The following CSMD1 variants were observed in gnomAD, a reference collection of about 807,000 sequenced individuals.
The protein encoded by CSMD1 is CUB and sushi domain-containing protein 1.
In CSMD1, 213 loss-of-function variants were observed where a neutral mutation model predicts 417.5. The ratio of observed to expected loss-of-function variants is 0.51; its 90% CI spans 0.46 to 0.57. The LOEUF is 0.57. CSMD1 is among the 20% of genes least tolerant of loss of function. The pLI, the probability that CSMD1 is intolerant of heterozygous loss-of-function variation, is 0.00. For missense variants in CSMD1, 6,923 were observed against 4,529.7 expected, an observed-to-expected ratio of 1.53 and a Z score of -15.17; for synonymous variants, 2,862 against 1,736.8, an observed-to-expected ratio of 1.65 and a Z score of -16.11.
At position 3,989,182 on chromosome 8, in the gene CSMD1, T is replaced by A. The variant is rs531340942; in HGVS notation, c.818+8721A>T. 5.3e-5 allele frequency among the ~76,000 whole-genome samples: 8 copies of A among 152,322 alleles called. No individual in the cohort carries two copies. The East Asian group carries it at 1.5e-3, about 29-fold the overall frequency. On this transcript the variant is annotated intron_variant, in intron 5 of 69. Coordinates refer to ENST00000635120, the MANE Select transcript of CSMD1 (RefSeq NM_033225.6). ...CCAAGCGTCTGCTCATTTGCTCTAGTTAGCAGCTCTCTCAGGGATGTGGCA... is the reference window on the plus strand; with the variant it reads ...CCAAGCGTCTGCTCATTTGCTCTAGATAGCAGCTCTCTCAGGGATGTGGCA...
At chr8:4,073,724 G>T (rs1171103759) in intron 3 of CSMD1, among the ~76,000 whole-genome samples, 1 of 152,034 alleles carries the variant, frequency 6.6e-6, no homozygotes, top group Non-Finnish European at 1.5e-5. Context: ...GACTTGTATA[G>T]ACACCAGCTG....
chr8:3,560,693 T>C (rs563078086), intron 10 of CSMD1, among the ~76,000 whole-genome samples: 1 of 152,202 alleles, frequency 6.6e-6, no homozygotes, highest in African/African-American at 2.4e-5. Context: ...CATGAATTTC[T>C]CTCAGGGTAC....
intron 1 of CSMD1, among the ~76,000 whole-genome samples, chr8:4,700,581 CT>C (rs1455846452): frequency 2.0e-5 from 3 of 151,994 alleles, no homozygotes; most frequent in Non-Finnish European, 4.4e-5. Context: ...TGCTTAAGGT[CT>C]CAATTAGTGA....
intron 11 of CSMD1, among the ~76,000 whole-genome samples, chr8:3,487,179 T>C (rs536501569): frequency 4.0e-4 from 59 of 148,976 alleles, no homozygotes; most frequent in African/African-American, 1.4e-3. Context: ...ACAACAGTGA[T>C]TGATGTATTA....
intron 21 of CSMD1, among the ~76,000 whole-genome samples, chr8:3,351,557 A>G (rs1358697854): frequency 2.6e-5 from 4 of 151,248 alleles, no homozygotes; most frequent in Non-Finnish European, 4.4e-5. Flanking sequence ...AGACCACCCA[A>G]CTACATTTCA....
At chr8:4,211,222 C>G (rs1259803391) in intron 3 of CSMD1, among the ~76,000 whole-genome samples, 2 of 151,134 alleles carry the variant, frequency 1.3e-5, no homozygotes, top group Admixed American at 6.6e-5. Context: ...TTTTAGCTGG[C>G]ATAAATTAAG....
chr8:3,383,798 T>C (rs535365684), intron 18 of CSMD1, among the ~76,000 whole-genome samples: 1 of 152,194 alleles, frequency 6.6e-6, no homozygotes, highest in Admixed American at 6.5e-5. Context: ...GTCCAATAAA[T>C]ATACAAAAAT....
chr8:3,335,624 C>G (rs555728732), intron 23 of CSMD1, among the ~76,000 whole-genome samples: 1 of 152,106 alleles, frequency 6.6e-6, no homozygotes. Flanking sequence ...TGCAATGAGT[C>G]GAGCTCGTGC....
intron 10 of CSMD1, among the ~76,000 whole-genome samples, chr8:3,522,194 T>C (rs922097545): frequency 9.9e-5 from 15 of 152,196 alleles, no homozygotes; most frequent in African/African-American, 3.6e-4. Context: ...AATCGTTATA[T>C]GATTAAATTT....
intron 26 of CSMD1, among the ~76,000 whole-genome samples, chr8:3,254,163 G>C (rs1179280781): frequency 6.6e-6 from 1 of 152,100 alleles, no homozygotes; most frequent in Non-Finnish European, 1.5e-5. Context: ...TGAAATTCTG[G>C]GTTGAAAGTT....
intron 8 of CSMD1, among the ~76,000 whole-genome samples, chr8:3,609,110 C>A (rs183932347): frequency 4.6e-5 from 7 of 152,302 alleles, no homozygotes; most frequent in Non-Finnish European, 8.8e-5. Context: ...TCAGTAGGAT[C>A]CAGCTCTGAC....
intron 15 of CSMD1, among the ~76,000 whole-genome samples, chr8:3,402,072 T>C (rs1812072636): frequency 6.6e-6 from 1 of 152,084 alleles, no homozygotes; most frequent in Non-Finnish European, 1.5e-5. Context: ...TCCTATGGCT[T>C]TATTTTTATT....
At chr8:3,835,581 G>C (rs997678993) in intron 5 of CSMD1, among the ~76,000 whole-genome samples, 12 of 152,018 alleles carry the variant, frequency 7.9e-5, no homozygotes, top group African/African-American at 2.9e-4. Context: ...GGAGCGGGGA[G>C]GGATAGCATT....
At chr8:4,244,151 C>T (rs1314878905) in intron 3 of CSMD1, among the ~76,000 whole-genome samples, 5 of 152,170 alleles carry the variant, frequency 3.3e-5, no homozygotes, top group Non-Finnish European at 5.9e-5. Context: ...TAGATTTGTG[C>T]TACAGGCAGC....
At chr8:3,249,181 A>T (rs1800092116) in intron 26 of CSMD1, among the ~76,000 whole-genome samples, 2 of 152,144 alleles carry the variant, frequency 1.3e-5, no homozygotes, top group Admixed American at 1.3e-4. Flanking sequence ...GTAACAAACG[A>T]TATGAAGAAT....
chr8:3,475,214 C>G (rs79506498), intron 11 of CSMD1, among the ~76,000 whole-genome samples: 7,077 of 152,232 alleles, frequency 0.046, 264 homozygotes, highest in South Asian at 0.11. Context: ...TAGGTCATCA[C>G]AGAATCCTTC....
intron 9 of CSMD1, among the ~76,000 whole-genome samples, chr8:3,583,409 G>C (rs563645659): frequency 6.6e-6 from 1 of 151,924 alleles, no homozygotes; most frequent in Non-Finnish European, 1.5e-5. Flanking sequence ...TATCTTGTAA[G>C]GATACTCTTG....
chr8:4,702,547 C>G (rs1208522902), intron 1 of CSMD1, among the ~76,000 whole-genome samples: 2 of 152,148 alleles, frequency 1.3e-5, no homozygotes, highest in Non-Finnish European at 2.9e-5. Flanking sequence ...AAAAGACATT[C>G]ATGAATTATA....
intron 10 of CSMD1, among the ~76,000 whole-genome samples, chr8:3,549,757 T>G (rs891177983): frequency 6.6e-6 from 1 of 152,104 alleles, no homozygotes; most frequent in African/African-American, 2.4e-5. Flanking sequence ...CCAGATACAG[T>G]TCCTTGACTT....
Sources: allele counts gnomAD v4.1 joint callset (sites outside exome capture counted in the v4.1 genomes callset), GRCh38; gene constraint gnomAD v4.1.1; transcripts MANE v1.5; gene names NCBI Gene and HGNC (gene_info 2026-07-23, HGNC 2026-07-21).